Variants in GRAP2 observed in about 807,000 individuals in gnomAD.
GRAP2 encodes GRB2 related adaptor protein 2.
A neutral mutation model predicts 43.5 loss-of-function variants in GRAP2; 31 were observed. The ratio of observed to expected loss-of-function variants is 0.71; its 90% CI spans 0.54 to 0.96. The LOEUF is 0.96. Among genes scored for constraint, GRAP2 ranks in the 40% least tolerant of loss-of-function variants. The pLI is 0.00. For missense variants in GRAP2, 371 were observed against 424.4 expected, an observed-to-expected ratio of 0.87 and a Z score of 1.11; for synonymous variants, 156 against 164.8, an observed-to-expected ratio of 0.95 and a Z score of 0.41.
intron 1 of GRAP2, among the ~76,000 whole-genome samples, chr22:39,941,702 T>G (rs1601716651): frequency 6.6e-6 from 1 of 152,214 alleles, no homozygotes; most frequent in East Asian, 1.9e-4. Context: ...TACCATCATC[T>G]AAGGCCACCT....
chr22:39,967,650 C>G (rs2067188815), intron 5 of GRAP2, among the ~76,000 whole-genome samples: 1 of 152,162 alleles, frequency 6.6e-6, no homozygotes, highest in African/African-American at 2.4e-5. Context: ...GCAAAGTCAA[C>G]AGTGGAGCTT....
intron 1 of GRAP2, among the ~76,000 whole-genome samples, chr22:39,917,931 A>G (rs1397323605): frequency 2.0e-5 from 3 of 152,224 alleles, no homozygotes; most frequent in Non-Finnish European, 4.4e-5. Context: ...AACTCTTCTT[A>G]TGTAATGTGG....
intron 2 of GRAP2, among the ~76,000 whole-genome samples, chr22:39,954,721 C>T (rs996401689): frequency 1.3e-5 from 2 of 152,098 alleles, no homozygotes; most frequent in East Asian, 1.9e-4. Context: ...TTCTCAGTGG[C>T]GGTGTCAAAT....
At chr22:39,944,664 AATTTTACTTCT>A (rs1158584787) in intron 1 of GRAP2, among the ~76,000 whole-genome samples, 1 of 152,174 alleles carries the variant, frequency 6.6e-6, no homozygotes, top group Non-Finnish European at 1.5e-5. Context: ...ATTCAGAAGC[AATTTTACTTCT>A]GCCTCGGCCT....
rs2066520104 is a variant in GRAP2 at position 39,905,955 on chromosome 22, T to A, written c.-15+4625T>A. Among the ~76,000 whole-genome samples, 3 of 152,338 alleles carry A rather than the reference T, an allele frequency of 2.0e-5. No individual in the cohort carries two copies. In the South Asian group the frequency reaches 6.2e-4, roughly 32 times the overall value. On this transcript the variant is annotated intron_variant, in intron 1 of 7. Coordinates refer to ENST00000344138, the MANE Select transcript of GRAP2 (RefSeq NM_004810.4). ...ACATTTAAGGTTTAATTCATCTGAA[T>A]AAGAACAGCATTCCACTAAGCCCAG... is the stretch of plus-strand genomic sequence containing the variant.
At chr22:39,920,959 C>CAA (rs1367847592) in intron 1 of GRAP2, among the ~76,000 whole-genome samples, 109 of 147,934 alleles carry the variant, frequency 7.4e-4, no homozygotes, top group African/African-American at 2.5e-3. Context: ...CACACACACA[C>CAA]ACACACACAC....
chr22:39,968,014 T>A, intron 5 of GRAP2, 28 bp from the exon 6 acceptor site: 1 of 1,602,608 alleles, frequency 6.2e-7, no homozygotes, highest in Admixed American at 1.7e-5. Flanking sequence ...GGAGGATGCA[T>A]CTGCAGCATC....
intron 1 of GRAP2, among the ~76,000 whole-genome samples, chr22:39,923,334 T>G (rs557128916): frequency 1.3e-5 from 2 of 152,372 alleles, no homozygotes; most frequent in East Asian, 3.9e-4. Flanking sequence ...TATTTCTTAC[T>G]AGCTATTCTT....
intron 3 of GRAP2, 107 bp from the exon 4 acceptor site, chr22:39,959,948 G>A (rs571884668): frequency 3.0e-6 from 3 of 1,010,480 alleles, no homozygotes; most frequent in Non-Finnish European, 4.7e-6. Flanking sequence ...GCTCCCTACT[G>A]TACAGAGTCC....
At chr22:39,894,433 G>A in the GRAP2 span, among the ~76,000 whole-genome samples, 1 of 109,470 alleles carries the variant, frequency 9.1e-6, no homozygotes, top group Non-Finnish European at 1.8e-5. Flanking sequence ...GGGGGGAGGG[G>A]GGAGGGATAG....
chr22:39,900,488 G>A (rs1361140980), upstream of GRAP2, among the ~76,000 whole-genome samples: 1 of 152,138 alleles, frequency 6.6e-6, no homozygotes, highest in African/African-American at 2.4e-5. Flanking sequence ...AGGGTGAGTG[G>A]TACATTTAAA....
chr22:39,945,878 T>C (rs1601720781), intron 1 of GRAP2, among the ~76,000 whole-genome samples: 1 of 152,372 alleles, frequency 6.6e-6, no homozygotes, highest in Non-Finnish European at 1.5e-5. Flanking sequence ...GTTTTGTTTT[T>C]GAGACAGAGT....
At chr22:39,894,819 A>G in the GRAP2 span, among the ~76,000 whole-genome samples, 1 of 152,224 alleles carries the variant, frequency 6.6e-6, no homozygotes, top group African/African-American at 2.4e-5. Context: ...GTCAGAGAAG[A>G]TTGTAACAAG....
intron 1 of GRAP2, among the ~76,000 whole-genome samples, chr22:39,937,359 TC>T (rs1390154839): frequency 2.6e-5 from 4 of 152,106 alleles, no homozygotes; most frequent in Admixed American, 6.6e-5. Context: ...TCTCCCCACT[TC>T]CCCTTGGTTA....
chr22:39,906,724 G>A (rs1341736872), intron 1 of GRAP2, among the ~76,000 whole-genome samples: 1 of 152,054 alleles, frequency 6.6e-6, no homozygotes, highest in East Asian at 1.9e-4. Context: ...TAGAACCACG[G>A]GCTTAATGTG....
At chr22:39,929,840 C>T (rs546691037) in intron 1 of GRAP2, among the ~76,000 whole-genome samples, 11 of 152,306 alleles carry the variant, frequency 7.2e-5, no homozygotes, top group Admixed American at 7.2e-4. Flanking sequence ...ATTTCAAACA[C>T]CCCTTTAATT....
chr22:39,966,222 C>A, intron 5 of GRAP2, 64 bp downstream of exon 5: 1 of 1,332,412 alleles, frequency 7.5e-7, no homozygotes, highest in South Asian at 1.2e-5. Flanking sequence ...CTCACATGAA[C>A]CACCAGGAAA....
At chr22:39,913,021 C>T (rs1401132459) in intron 1 of GRAP2, among the ~76,000 whole-genome samples, 4 of 151,844 alleles carry the variant, frequency 2.6e-5, no homozygotes, top group South Asian at 4.2e-4. Context: ...GGTGAAACCC[C>T]GTCTCTACTA....
At chr22:39,928,989 G>A (rs956151826) in intron 1 of GRAP2, among the ~76,000 whole-genome samples, 3 of 152,208 alleles carry the variant, frequency 2.0e-5, no homozygotes, top group African/African-American at 7.2e-5. Flanking sequence ...TTTGATGCAT[G>A]TCATTTAGTT....
Sources: gnomAD v4.1 joint callset for allele counts (sites outside exome capture counted in the v4.1 genomes callset) on GRCh38, gnomAD v4.1.1 for gene constraint, MANE v1.5 for transcripts, NCBI Gene and HGNC (gene_info 2026-07-23, HGNC 2026-07-21) for gene names.